The following ARHGAP32 variants were observed in gnomAD, a reference collection of about 807,000 sequenced individuals.
ARHGAP32 encodes rho GTPase-activating protein 32.
Under a neutral mutation model 186.5 loss-of-function variants are expected in ARHGAP32, and 51 were observed. That is an observed-to-expected ratio of 0.27 (90% CI 0.22 to 0.35). The LOEUF (loss-of-function observed/expected upper bound fraction) is 0.35, where lower values mean the gene tolerates loss of function less well. Ranked by LOEUF, ARHGAP32 falls within the 10% of genes least tolerant of loss-of-function variation. ARHGAP32 has a pLI of 1.00. For synonymous variants in ARHGAP32, 950 were observed against 964.3 expected, an observed-to-expected ratio of 0.99 and a Z score of 0.27; for missense variants, 2,186 against 2,623.5, an observed-to-expected ratio of 0.83 and a Z score of 3.64.
chr11:129,150,518 G>A (rs1198368997), intron 2 of ARHGAP32, among the ~76,000 whole-genome samples: 2 of 152,162 alleles, frequency 1.3e-5, no homozygotes, highest in Admixed American at 6.5e-5. Context: ...CAGCAGATTT[G>A]TCAGAAGAAA....
intron 6 of ARHGAP32, among the ~76,000 whole-genome samples, chr11:129,069,885 C>G (rs926854285): frequency 2.6e-5 from 4 of 151,922 alleles, no homozygotes; most frequent in African/African-American, 7.3e-5. Flanking sequence ...TTTTTTGGTG[C>G]CTGGTGCTTG....
At chr11:129,273,789 T>C (rs1212065355) in intron 1 of ARHGAP32, among the ~76,000 whole-genome samples, 2 of 152,142 alleles carry the variant, frequency 1.3e-5, no homozygotes, top group East Asian at 1.9e-4. Flanking sequence ...GAAATCCAAA[T>C]AAGGATTTTA....
intron 1 of ARHGAP32, among the ~76,000 whole-genome samples, chr11:129,236,154 C>A (rs1944930651): frequency 6.6e-6 from 1 of 152,156 alleles, no homozygotes; most frequent in Admixed American, 6.6e-5. Context: ...ACACTGTTTT[C>A]CATAGTGGTT....
At chr11:129,186,495 T>C (rs1014341060) in intron 1 of ARHGAP32, among the ~76,000 whole-genome samples, 2 of 152,204 alleles carry the variant, frequency 1.3e-5, no homozygotes, top group African/African-American at 4.8e-5. Flanking sequence ...AATTCACTGA[T>C]GAGAGTATGT....
Position 128,966,319 on chromosome 11 carries a change from T to G in ARHGAP32, c.*2588A>C, listed in dbSNP as rs1945220896. 1 of 152,238 alleles carries G rather than the reference T, an allele frequency of 6.6e-6. No individual in the cohort carries two copies. The highest frequency in any genetic ancestry group is 1.5e-5 in the Non-Finnish European group (1 of 68,046). 9.4% of individuals were successfully genotyped at this position (152,238 alleles called of 1,614,324 possible). On this transcript the variant is annotated 3_prime_UTR_variant, in exon 23 of 23. Transcript: ENST00000682385. Reference sequence around the variant, plus strand: ...TACCCCATTTGTGAAGTCCCCCATTTGTGAAGTCACACACAAGGTGGACTG... The same window carrying G: ...TACCCCATTTGTGAAGTCCCCCATTGGTGAAGTCACACACAAGGTGGACTG...
intron 6 of ARHGAP32, among the ~76,000 whole-genome samples, chr11:129,068,068 T>C (rs1940754498): frequency 6.6e-6 from 1 of 152,062 alleles, no homozygotes; most frequent in East Asian, 1.9e-4. Context: ...CTGGTCCCTA[T>C]TCTAAGAGAT....
At chr11:128,995,990 T>C (rs1198544690) in intron 12 of ARHGAP32, among the ~76,000 whole-genome samples, 2 of 152,250 alleles carry the variant, frequency 1.3e-5, no homozygotes, top group African/African-American at 4.8e-5. Context: ...ATAAAGTGTC[T>C]TGCTATGAAA....
chr11:129,201,767 G>A (rs1017636793), intron 1 of ARHGAP32, among the ~76,000 whole-genome samples: 1 of 152,100 alleles, frequency 6.6e-6, no homozygotes, highest in African/African-American at 2.4e-5. Flanking sequence ...GATCCCTTGA[G>A]GCCAGGAGTT....
chr11:129,091,721 T>C (rs1214505611), intron 6 of ARHGAP32, among the ~76,000 whole-genome samples: 3 of 152,034 alleles, frequency 2.0e-5, no homozygotes, highest in African/African-American at 7.2e-5. Context: ...TAGAGTGAAA[T>C]AGACACAGAA....
intron 10 of ARHGAP32, among the ~76,000 whole-genome samples, chr11:129,060,229 T>C (rs1162983015): frequency 6.6e-6 from 1 of 152,118 alleles, no homozygotes; most frequent in African/African-American, 2.4e-5. Context: ...AAGACAATCA[T>C]AGAATTTAAA....
chr11:129,048,105 G>T (rs1233976222), intron 10 of ARHGAP32, among the ~76,000 whole-genome samples: 3 of 149,844 alleles, frequency 2.0e-5, no homozygotes, highest in Non-Finnish European at 3.0e-5. Flanking sequence ...TCCCCCAAAA[G>T]CACAACATTG....
At chr11:129,261,519 G>T (rs1233934238) in intron 1 of ARHGAP32, among the ~76,000 whole-genome samples, 1 of 152,058 alleles carries the variant, frequency 6.6e-6, no homozygotes, top group Non-Finnish European at 1.5e-5. Context: ...GATGGAATAG[G>T]TCCGGTTACA....
At chr11:129,258,574 C>A (rs1945284103) in intron 1 of ARHGAP32, among the ~76,000 whole-genome samples, 1 of 152,150 alleles carries the variant, frequency 6.6e-6, no homozygotes, top group South Asian at 2.1e-4. Context: ...ATCTCTGCCT[C>A]CACTAAGGAA....
At chr11:129,210,557 C>T (rs1454983708) in intron 1 of ARHGAP32, among the ~76,000 whole-genome samples, 1 of 152,114 alleles carries the variant, frequency 6.6e-6, no homozygotes, top group Non-Finnish European at 1.5e-5. Context: ...ATTACCCAGT[C>T]CAAAGCATTC....
intron 1 of ARHGAP32, among the ~76,000 whole-genome samples, chr11:129,232,201 A>G (rs901999647): frequency 2.6e-5 from 4 of 152,110 alleles, no homozygotes; most frequent in Non-Finnish European, 5.9e-5. Context: ...CACGGGTGAC[A>G]TTAGTGTAGC....
intron 10 of ARHGAP32, among the ~76,000 whole-genome samples, chr11:129,050,853 C>T (rs1218890879): frequency 6.6e-6 from 1 of 152,178 alleles, no homozygotes; most frequent in African/African-American, 2.4e-5. Flanking sequence ...CATGTGTTCT[C>T]ACTGTTCAAC....
At chr11:129,219,867 A>T (rs1454963849) in intron 1 of ARHGAP32, among the ~76,000 whole-genome samples, 2 of 152,126 alleles carry the variant, frequency 1.3e-5, no homozygotes, top group African/African-American at 4.8e-5. Context: ...ATACACACAC[A>T]CACACACAAT....
intron 1 of ARHGAP32, among the ~76,000 whole-genome samples, chr11:129,209,584 T>G (rs1312248539): frequency 6.6e-6 from 1 of 151,892 alleles, no homozygotes; most frequent in Non-Finnish European, 1.5e-5. Context: ...CTTGGAAGAC[T>G]GCAAACGGAA....
At chr11:129,193,724 T>TATG (rs1944348821), upstream of ARHGAP32, among the ~76,000 whole-genome samples, 1 of 76,378 alleles carries the variant, frequency 1.3e-5, no homozygotes, top group Non-Finnish European at 2.5e-5. Flanking sequence ...ATATTATATA[T>TATG]TATATATAAT....
Sources: gnomAD v4.1 joint callset for allele counts (sites outside exome capture counted in the v4.1 genomes callset) on GRCh38, gnomAD v4.1.1 for gene constraint, MANE v1.5 for transcripts, NCBI Gene and HGNC (gene_info 2026-07-23, HGNC 2026-07-21) for gene names.